Variants in OR13A1 observed in about 807,000 individuals in gnomAD.
OR13A1 encodes olfactory receptor family 13 subfamily A member 1, also known as olfactory receptor 13A1.
Under a neutral mutation model 7.5 loss-of-function variants are expected in OR13A1, and 10 were observed. The ratio of observed to expected loss-of-function variants is 1.34; its 90% CI spans 0.83 to 2.27. The LOEUF is 2.27. Among genes scored for constraint, OR13A1 ranks in the 30% most tolerant of loss-of-function variants. OR13A1 has a pLI of 0.00. For synonymous variants in OR13A1, 238 were observed against 177.9 expected (o/e 1.34, Z -2.69); for missense variants, 509 against 419.1 (o/e 1.21, Z -1.87).
chr10:45,311,569 G>A (rs554121566), intron 1 of OR13A1, among the ~76,000 whole-genome samples: 30 of 152,082 alleles, frequency 2.0e-4, no homozygotes, highest in African/African-American at 6.7e-4. Flanking sequence ...GGAGAATATG[G>A]CCATAGTGAG....
rs772757387 is a variant in OR13A1, at chr10:45,303,977, T to C, written c.446A>G (p.His149Arg). The change falls in exon 4 of 4, where the codon CAT (histidine) becomes CGT (arginine). Residue 149 changes from histidine to arginine, a missense_variant. Coordinates refer to ENST00000553795, the MANE Select transcript of OR13A1 (RefSeq NM_001004297.3). Reference protein sequence around the residue: ...DRYAAICHPLHYSSMMSKVFC... With the variant: ...DRYAAICHPLRYSSMMSKVFC... ...CACCTTGCTCATCATGCTGCTGTAA[T>C]GCAGCGGGTGGCAGATGGCTGCGTA... 1.9e-6 allele frequency: 3 copies of C among 1,613,002 alleles called. No homozygotes were observed. Among genetic ancestry groups the C allele is most frequent in the East Asian group, 2.2e-5 (1 of 44,864 alleles).
chr10:45,304,054 C>A lies in OR13A1; in HGVS notation c.369G>T (p.Thr123=), dbSNP rs766946554. The A allele has an allele frequency of 2.5e-6, 4 of 1,613,480 alleles. No individual in the cohort carries two copies. Among genetic ancestry groups the A allele is most frequent in the South Asian group, 2.2e-5 (2 of 91,000 alleles). Residue 123 remains threonine, a synonymous_variant, in exon 4 of 4, where the codon ACG becomes ACT. Transcript: ENST00000553795. The part of the protein sequence containing the change: ...GGCMAQLYFL[T]WAASSELLLL... Reference sequence around the variant, plus strand: ...GCAGCAGCTCTGAGGATGCAGCCCACGTGAGGAAATAGAGCTGGGCCATGC... The same window carrying A: ...GCAGCAGCTCTGAGGATGCAGCCCAAGTGAGGAAATAGAGCTGGGCCATGC...
chr10:45,304,176 T>A lies in OR13A1; in HGVS notation c.247A>T (p.Asn83Tyr). ...CAGATAATGTCCATAGTAGCCAAGTTGAGTAAGAAAAAGTACATAGGAGCG... is the reference window on the plus strand; with the variant it reads ...CAGATAATGTCCATAGTAGCCAAGTAGAGTAAGAAAAAGTACATAGGAGCG... ...LHAPMYFFLLNLATMDIICTS... is the reference protein window; with the variant it reads ...LHAPMYFFLLYLATMDIICTS... Residue 83 changes from asparagine (N) to tyrosine (Y), a missense_variant, in exon 4 of 4, where the codon AAC becomes TAC. Asn to Tyr is a moderately radical substitution (Grantham distance 143). Transcript: ENST00000553795. The A allele has an allele frequency of 6.2e-7, 1 of 1,614,092 alleles. No homozygotes were observed. The highest frequency in any genetic ancestry group is 8.5e-7 in the Non-Finnish European group (1 of 1,180,016).
At chr10:45,304,957 T>C (rs1316794960) in intron 3 of OR13A1, among the ~76,000 whole-genome samples, 1 of 152,182 alleles carries the variant, frequency 6.6e-6, no homozygotes, top group Non-Finnish European at 1.5e-5. Context: ...GGAAGTGTTT[T>C]ACTGATGCTT....
Position 45,303,987 on chromosome 10 carries a change from G to A in OR13A1, c.436C>T (p.His146Tyr). 3 of 1,612,674 alleles carry A rather than the reference G, an allele frequency of 1.9e-6. No homozygotes were observed. Among genetic ancestry groups the A allele is most frequent in the Non-Finnish European group, 2.5e-6 (3 of 1,179,078 alleles). ...ATCATGCTGCTGTAATGCAGCGGGT[G>A]GCAGATGGCTGCGTACCGGTCATAG... ...MAYDRYAAICHPLHYSSMMSK... is the reference protein window; with the variant it reads ...MAYDRYAAICYPLHYSSMMSK... The change falls in exon 4 of 4, where the codon CAC becomes TAC. Residue 146 changes from histidine to tyrosine, a missense_variant. Transcript: ENST00000553795.
At chr10:45,306,910 C>CT (rs1838341792) in intron 3 of OR13A1, among the ~76,000 whole-genome samples, 1 of 152,184 alleles carries the variant, frequency 6.6e-6, no homozygotes, top group Admixed American at 6.5e-5. Flanking sequence ...ATTACTTTCG[C>CT]TGAGTTTGAG....
chr10:45,303,335 G>T lies in OR13A1; in HGVS notation c.*101C>A, dbSNP rs1838245311. On this transcript the variant is annotated 3_prime_UTR_variant, in exon 4 of 4. Coordinates refer to ENST00000553795, the MANE Select transcript of OR13A1 (RefSeq NM_001004297.3). Reference sequence around the variant, plus strand: ...CTCATCCATGCACAGGTTCTGCTGGGTTAGAAAAAACAAGTCTATTTACCT... The same window carrying T: ...CTCATCCATGCACAGGTTCTGCTGGTTTAGAAAAAACAAGTCTATTTACCT... 22 of 1,262,350 alleles carry T rather than the reference G, an allele frequency of 1.7e-5. 1 individual carries two copies. In the South Asian group the frequency reaches 3.1e-4, roughly 18 times the overall value. 78.2% of individuals were successfully genotyped at this position (1,262,350 alleles called of 1,614,324 possible). A position where few individuals can be genotyped will look rare whatever the true frequency, so the allele number is the denominator to read the frequency against.
chr10:45,304,610 G>C, intron 3 of OR13A1, 176 bp from the exon 4 acceptor site: 1 of 583,624 alleles, frequency 1.7e-6, no homozygotes, highest in African/African-American at 1.9e-5. Context: ...AATACAGTTG[G>C]CCAGTTAAAC....
Position 45,303,319 on chromosome 10 carries a change from G to T in OR13A1, c.*117C>A. 1 of 1,109,932 alleles carries T rather than the reference G, an allele frequency of 9.0e-7. No individual in the cohort carries two copies. The highest frequency in any genetic ancestry group is 1.6e-5 in the African/African-American group (1 of 63,816). 68.8% of individuals were successfully genotyped at this position (1,109,932 alleles called of 1,614,324 possible). ...GAACCAGCACTCCCAGCTCATCCAT[G>T]CACAGGTTCTGCTGGGTTAGAAAAA... is the stretch of plus-strand genomic sequence containing the variant. On this transcript the variant is annotated 3_prime_UTR_variant, in exon 4 of 4. Coordinates refer to ENST00000553795, the MANE Select transcript of OR13A1 (RefSeq NM_001004297.3).
rs189836358 is a variant in OR13A1 at position 45,303,568 on chromosome 10, G to A, written c.855C>T (p.Ser285=). 3.7e-5 allele frequency: 60 copies of A among 1,614,114 alleles called. No individual in the cohort carries two copies. The highest frequency in any genetic ancestry group is 3.7e-4 in the Admixed American group (22 of 60,024). ...YAYISPVSGY[S]AGKSKLAGLL... is the part of the protein sequence containing the mutation. ...GGCCAGCCAACTTGCTCTTCCCTGCGCTGTAGCCAGAGACCGGGCTTATGT... is the reference window on the plus strand; with the variant it reads ...GGCCAGCCAACTTGCTCTTCCCTGCACTGTAGCCAGAGACCGGGCTTATGT... The change falls in exon 4 of 4, where the codon AGC becomes AGT. Residue 285 remains serine, a synonymous_variant. Transcript: ENST00000553795.
rs199843652 is a variant in OR13A1 at position 45,303,564 on chromosome 10, C to T, written c.859G>A (p.Gly287Arg). The part of the protein sequence containing the change: ...YISPVSGYSA[G>R]KSKLAGLLYT... ...AGCAGGCCAGCCAACTTGCTCTTCCCTGCGCTGTAGCCAGAGACCGGGCTT... is the reference window on the plus strand; with the variant it reads ...AGCAGGCCAGCCAACTTGCTCTTCCTTGCGCTGTAGCCAGAGACCGGGCTT... The change falls in exon 4 of 4, where the codon GGG becomes AGG. Residue 287 changes from glycine (G) to arginine (R), a missense_variant. Gly to Arg is a moderately radical substitution (Grantham distance 125). Transcript: ENST00000553795. 56 of 1,614,134 alleles carry T rather than the reference C, an allele frequency of 3.5e-5. 1 individual carries two copies. The highest frequency in any genetic ancestry group is 2.6e-5 in the Non-Finnish European group (31 of 1,180,046).
Position 45,303,326 on chromosome 10 carries a change from T to C in OR13A1, c.*110A>G. 8.6e-7 allele frequency: 1 copy of C among 1,165,218 alleles called. No homozygotes were observed. Among genetic ancestry groups the C allele is most frequent in the African/African-American group, 1.5e-5 (1 of 64,806 alleles). 72.2% of individuals were successfully genotyped at this position (1,165,218 alleles called of 1,614,324 possible). ...CACTCCCAGCTCATCCATGCACAGG[T>C]TCTGCTGGGTTAGAAAAAACAAGTC... On this transcript the variant is annotated 3_prime_UTR_variant, in exon 4 of 4. Transcript: ENST00000553795.
rs1045130535 is a variant in OR13A1, at chr10:45,303,768, G to A, written c.655C>T (p.Leu219=). 2 of 1,613,956 alleles carry A rather than the reference G, an allele frequency of 1.2e-6. No homozygotes were observed. Among genetic ancestry groups the A allele is most frequent in the Non-Finnish European group, 1.7e-6 (2 of 1,180,050 alleles). Residue 219 remains leucine (L), a synonymous_variant, in exon 4 of 4, where the codon CTG becomes TTG. Coordinates refer to ENST00000553795, the MANE Select transcript of OR13A1 (RefSeq NM_001004297.3). ...STYVNGVMIV[L]ADAFYGIVNF... The stretch of plus-strand genomic sequence containing the variant: ...ACTATGCCGTAGAAAGCATCCGCCA[G>A]GACAATCATGACACCGTTGACGTAG...
At chr10:45,314,912 G>A (rs1838498311) in intron 1 of OR13A1, among the ~76,000 whole-genome samples, 1 of 152,084 alleles carries the variant, frequency 6.6e-6, no homozygotes, top group South Asian at 2.1e-4. Flanking sequence ...GATTAAACTG[G>A]TTCAAAAACC....
intron 1 of OR13A1, 54 bp from the exon 2 acceptor site, chr10:45,307,862 C>A (rs1054772594): frequency 2.6e-5 from 4 of 152,086 alleles, no homozygotes; most frequent in African/African-American, 4.8e-5. Flanking sequence ...AAAGAAATAA[C>A]AATAATAGTC....
intron 1 of OR13A1, among the ~76,000 whole-genome samples, chr10:45,308,196 C>A (rs144128619): frequency 7.7e-4 from 117 of 152,288 alleles, no homozygotes; most frequent in African/African-American, 2.7e-3. Flanking sequence ...ATGCCAGAAT[C>A]GCATATGTTC....
At position 45,303,999 on chromosome 10, in the gene OR13A1, C is replaced by A. The variant is rs751067917; in HGVS notation, c.424G>T (p.Ala142Ser). The A allele has an allele frequency of 6.2e-7, 1 of 1,612,000 alleles. No individual in the cohort carries two copies. Among genetic ancestry groups the A allele is most frequent in the South Asian group, 1.1e-5 (1 of 90,894 alleles). ...TAATGCAGCGGGTGGCAGATGGCTG[C>A]GTACCGGTCATAGGCCATGACCGTG... is the stretch of plus-strand genomic sequence containing the variant. ...LLTVMAYDRY[A>S]AICHPLHYSS... Residue 142 changes from alanine to serine, a missense_variant, in exon 4 of 4, where the codon GCA becomes TCA. Ala to Ser is a moderately conservative substitution (Grantham distance 99, BLOSUM62 1). Transcript: ENST00000553795.
At position 45,303,920 on chromosome 10, in the gene OR13A1, A is replaced by T. The variant is rs1253832583; in HGVS notation, c.503T>A (p.Leu168Gln). ...GATGGCCGTGTTGACGGCGCAGAGC[A>T]GCCACACGGCTGTGGCCAGCCCGCT... Reference protein sequence around the residue: ...FCSGLATAVWLLCAVNTAIHT... With the variant: ...FCSGLATAVWQLCAVNTAIHT... Residue 168 changes from leucine (L) to glutamine (Q), a missense_variant, in exon 4 of 4, where the codon CTG becomes CAG. Physicochemically the swap from Leu to Gln is moderately radical, Grantham distance 113. Coordinates refer to ENST00000553795, the MANE Select transcript of OR13A1 (RefSeq NM_001004297.3). 1.2e-6 allele frequency: 2 copies of T among 1,613,810 alleles called. No individual in the cohort carries two copies.
chr10:45,304,522 A>C (rs1283209520), intron 3 of OR13A1, 88 bp from the exon 4 acceptor site: 1 of 1,083,912 alleles, frequency 9.2e-7, no homozygotes, highest in Non-Finnish European at 1.3e-6. Context: ...ATAGAGATGC[A>C]TTAGGGCATA....
Sources: gnomAD v4.1 joint callset for allele counts (sites outside exome capture counted in the v4.1 genomes callset) on GRCh38, gnomAD v4.1.1 for gene constraint, MANE v1.5 for transcripts, NCBI Gene and HGNC (gene_info 2026-07-23, HGNC 2026-07-21) for gene names.